Variants in VASH1 observed in about 807,000 individuals in gnomAD.
VASH1 encodes tubulinyl-Tyr carboxypeptidase 1.
VASH1 carries 16 observed loss-of-function variants against 35.0 expected under a neutral mutation model. That is an observed-to-expected ratio of 0.46 (90% CI 0.31 to 0.70). The LOEUF is 0.70. Ranked by LOEUF, VASH1 falls within the 30% of genes least tolerant of loss-of-function variation. The pLI, the probability that VASH1 is intolerant of heterozygous loss-of-function variation, is 0.05. For synonymous variants in VASH1, 214 were observed against 200.9 expected (o/e 1.07, Z -0.55); for missense variants, 505 against 510.7 (o/e 0.99, Z 0.11).
At chr14:76,778,579 G>A (rs1031379342) in intron 6 of VASH1, among the ~76,000 whole-genome samples, 1 of 152,178 alleles carries the variant, frequency 6.6e-6, no homozygotes, top group African/African-American at 2.4e-5. Context: ...GAATTCAGGG[G>A]TGGGGTACTA....
rs2140187904 is a variant in VASH1 at position 76,776,747 on chromosome 14, G to C, written c.912+474G>C. On this transcript the variant is annotated intron_variant, in intron 5 of 6. Transcript: ENST00000167106. Reference sequence around the variant, plus strand: ...GGAGGTGATAGGGAGTTGGGCTGGGGGCTGTTGTACCAAAAACAGCTGGGC... The same window carrying C: ...GGAGGTGATAGGGAGTTGGGCTGGGCGCTGTTGTACCAAAAACAGCTGGGC... 3.3e-5 allele frequency among the ~76,000 whole-genome samples: 5 copies of C among 152,268 alleles called. No homozygotes were observed. In the East Asian group the frequency reaches 9.7e-4, roughly 29 times the overall value.
intron 5 of VASH1, among the ~76,000 whole-genome samples, 189 bp from the exon 6 acceptor site, chr14:76,777,766 TGGAG>T: frequency 6.6e-6 from 1 of 152,288 alleles, no homozygotes; most frequent in South Asian, 2.1e-4. Context: ...GACAGCCCCA[TGGAG>T]GAACTCCTGC....
chr14:76,780,097 G>T lies in VASH1; in HGVS notation c.*1079G>T, dbSNP rs1293420640. On this transcript the variant is annotated 3_prime_UTR_variant, in exon 7 of 7. Coordinates refer to ENST00000167106, the MANE Select transcript of VASH1 (RefSeq NM_014909.5). ...AGGGCATCAGGGCCCTGGCAGGGAA[G>T]AACCTAGGCACCTGGGGTTGTCCCC... 6.4e-6 allele frequency: 1 copy of T among 155,390 alleles called. No individual in the cohort carries two copies. Among genetic ancestry groups the T allele is most frequent in the Non-Finnish European group, 1.4e-5 (1 of 69,984 alleles). 9.6% of individuals were successfully genotyped at this position (155,390 alleles called of 1,614,324 possible). A position where few individuals can be genotyped will look rare whatever the true frequency, so the allele number is the denominator to read the frequency against.
chr14:76,769,572 C>A, intron 1 of VASH1: 2 of 1,061,696 alleles, frequency 1.9e-6, no homozygotes, highest in African/African-American at 1.6e-5. Context: ...AGCTTTGATC[C>A]GGCGCTTGAA....
chr14:76,771,344 G>T, intron 3 of VASH1, 98 bp downstream of exon 3: 1 of 1,214,314 alleles, frequency 8.2e-7, no homozygotes, highest in Non-Finnish European at 1.1e-6. Context: ...GGGGCAGTCA[G>T]GGACTCTTCT....
intron 1 of VASH1, chr14:76,769,403 C>T (rs1293436207): frequency 7.8e-7 from 1 of 1,289,066 alleles, no homozygotes; most frequent in East Asian, 5.5e-5. Flanking sequence ...TGGCCTGCTA[C>T]CGCTGACTGA....
chr14:76,763,380 G>A (rs1232176496), intron 1 of VASH1, among the ~76,000 whole-genome samples: 1 of 152,204 alleles, frequency 6.6e-6, no homozygotes, highest in Non-Finnish European at 1.5e-5. Context: ...TACAGGAGGG[G>A]ACAGCAGCAG....
rs777334086 is a variant in VASH1 at position 76,781,104 on chromosome 14, G to GA, written c.*2087dup. Reference sequence around the variant, plus strand: ...CAGAACCAGGGATGCCTTTGCTGATGAGAGTGCCTGTCAGGGAAGGCGCCA... The same window carrying GA: ...CAGAACCAGGGATGCCTTTGCTGATGAAGAGTGCCTGTCAGGGAAGGCGCCA... On this transcript the variant is annotated 3_prime_UTR_variant, in exon 7 of 7. Transcript: ENST00000167106. The GA allele has an allele frequency of 6.6e-6, 1 of 152,402 alleles. No individual in the cohort carries two copies. The highest frequency in any genetic ancestry group is 6.5e-5 in the Admixed American group (1 of 15,294). 9.4% of individuals were successfully genotyped at this position (152,402 alleles called of 1,614,324 possible).
intron 1 of VASH1, among the ~76,000 whole-genome samples, chr14:76,764,079 G>C (rs1047859511): frequency 1.3e-5 from 2 of 152,004 alleles, no homozygotes; most frequent in African/African-American, 4.8e-5. Flanking sequence ...CTCCAAAAAA[G>C]AGCCCTTTGG....
chr14:76,767,304 G>A (rs927904070), intron 1 of VASH1, among the ~76,000 whole-genome samples: 2 of 151,148 alleles, frequency 1.3e-5, no homozygotes, highest in Admixed American at 6.6e-5. Context: ...GACTGTAAAT[G>A]GCAGAGCTGA....
At chr14:76,763,166 CT>C in intron 1 of VASH1, 36 bp downstream of exon 1, 1 of 1,394,130 alleles carries the variant, frequency 7.2e-7, no homozygotes, top group Non-Finnish European at 9.4e-7. Flanking sequence ...ATAGCACAGT[CT>C]AGGTTTTAGT....
chr14:76,776,071 G>T lies in VASH1; in HGVS notation c.710G>T (p.Ser237Ile). The T allele has an allele frequency of 6.2e-7, 1 of 1,609,342 alleles. No homozygotes were observed. Residue 237 changes from serine (S) to isoleucine (I), a missense_variant, in exon 5 of 7, where the codon AGC becomes ATC. Ser to Ile is a moderately radical substitution (Grantham distance 142). Coordinates refer to ENST00000167106, the MANE Select transcript of VASH1 (RefSeq NM_014909.5). ...AAGCCGCCCGCCTTCCGCACGCTCA[G>T]CGAGCTCGTGCTGGACTTCGAGGCC... The part of the protein sequence containing the change: ...MYKPPAFRTL[S>I]ELVLDFEAAY...
rs1894132989 is a variant in VASH1 at position 76,782,290 on chromosome 14, G to C, written c.*3272G>C. ...GGACAGCAGCAGCCCTCTGGCCTTG[G>C]GATGTGATGATAAAGCAAGCCTAGG... is the stretch of plus-strand genomic sequence containing the variant. On this transcript the variant is annotated 3_prime_UTR_variant, in exon 7 of 7. Coordinates refer to ENST00000167106, the MANE Select transcript of VASH1 (RefSeq NM_014909.5). 6.6e-6 allele frequency: 1 copy of C among 152,260 alleles called. No homozygotes were observed. The highest frequency in any genetic ancestry group is 2.4e-5 in the African/African-American group (1 of 41,442). The allele number at this position is 152,260 out of a possible 1,614,324, so 9.4% of individuals were successfully genotyped here.
intron 2 of VASH1, 114 bp downstream of exon 2, chr14:76,770,165 C>T: frequency 1.0e-6 from 1 of 975,976 alleles, no homozygotes; most frequent in Non-Finnish European, 1.5e-6. Flanking sequence ...ACGCCAGGGC[C>T]ACCATTCACG....
Position 76,763,027 on chromosome 14 carries a change from T to G in VASH1, c.206T>G (p.Val69Gly). 6.5e-7 allele frequency: 1 copy of G among 1,548,982 alleles called. No individual in the cohort carries two copies. Among genetic ancestry groups the G allele is most frequent in the Non-Finnish European group, 8.7e-7 (1 of 1,145,914 alleles). Residue 69 changes from valine (V) to glycine (G), a missense_variant, in exon 1 of 7, where the codon GTG (valine) becomes GGG (glycine). By Grantham distance (109) the Val-to-Gly change is moderately radical. Coordinates refer to ENST00000167106, the MANE Select transcript of VASH1 (RefSeq NM_014909.5). ...TTTGTCAACCGGGGTGGGCTACCTG[T>G]GGATGAGGCCACCTGGGAAAGGATG... ...PFFVNRGGLP[V>G]DEATWERMWK... is the part of the protein sequence containing the mutation.
chr14:76,772,597 C>T (rs2140181596), intron 3 of VASH1, among the ~76,000 whole-genome samples: 1 of 152,340 alleles, frequency 6.6e-6, no homozygotes, highest in East Asian at 1.9e-4. Flanking sequence ...ATTCCAAGTT[C>T]AGGAGCAGAT....
rs1894030936 is a variant in VASH1, at chr14:76,779,137, AAG to A, written c.*122_*123del. ...ACAAGGCAGGGCAAGAGGCTGCAGGAAGAGTGTGTTCCAGCTCAGCCCCCCAA... is the reference window on the plus strand; with the variant it reads ...ACAAGGCAGGGCAAGAGGCTGCAGGAAGTGTGTTCCAGCTCAGCCCCCCAA... On this transcript the variant is annotated 3_prime_UTR_variant, in exon 7 of 7. Transcript: ENST00000167106. The A allele has an allele frequency of 1.7e-6, 2 of 1,152,786 alleles. No homozygotes were observed. Among genetic ancestry groups the A allele is most frequent in the Non-Finnish European group, 2.6e-6 (2 of 778,588 alleles). 71.4% of individuals were successfully genotyped at this position (1,152,786 alleles called of 1,614,324 possible).
chr14:76,771,793 C>G (rs1893801440), intron 3 of VASH1, among the ~76,000 whole-genome samples: 1 of 107,666 alleles, frequency 9.3e-6, no homozygotes, highest in African/African-American at 2.6e-5. Context: ...ATCCCGCCAC[C>G]CCGTGTGTAG....
chr14:76,782,576 CATG>C lies in VASH1; in HGVS notation c.*3565_*3567del. On this transcript the variant is annotated 3_prime_UTR_variant, in exon 7 of 7. Transcript: ENST00000167106. ...GCAGGAACATACATGCAGGGCCCAA[CATG>C]ATGATGGTGTGAAGGGCAGGAAACA... is the stretch of plus-strand genomic sequence containing the variant. 2 of 152,390 alleles carry C rather than the reference CATG, an allele frequency of 1.3e-5. No individual in the cohort carries two copies. The highest frequency in any genetic ancestry group is 1.3e-4 in the Admixed American group (2 of 15,310). The allele number at this position is 152,390 out of a possible 1,614,324, so 9.4% of individuals were successfully genotyped here.
Sources: gnomAD v4.1 joint callset for allele counts (sites outside exome capture counted in the v4.1 genomes callset) on GRCh38, gnomAD v4.1.1 for gene constraint, MANE v1.5 for transcripts, NCBI Gene and HGNC (gene_info 2026-07-23, HGNC 2026-07-21) for gene names.